The following HDAC2 variants were observed in gnomAD, a reference collection of about 807,000 sequenced individuals.
HDAC2 encodes YY1-associated factor 1.
A neutral mutation model predicts 68.5 loss-of-function variants in HDAC2; 5 were observed. The ratio of observed to expected loss-of-function variants is 0.07; its 90% CI spans 0.04 to 0.15. The LOEUF (loss-of-function observed/expected upper bound fraction) is 0.15, where lower values mean the gene tolerates loss of function less well. Among genes scored for constraint, HDAC2 ranks in the 10% least tolerant of loss-of-function variants. HDAC2 has a pLI of 1.00. For missense variants in HDAC2, 291 were observed against 600.8 expected (o/e 0.48, Z 5.39); for synonymous variants, 182 against 191.3 (o/e 0.95, Z 0.40).
At position 113,946,035 on chromosome 6, in the gene HDAC2, C is replaced by T; in HGVS notation, c.955G>A (p.Val319Ile). The T allele has an allele frequency of 6.2e-7, 1 of 1,613,022 alleles. No individual in the cohort carries two copies. Among genetic ancestry groups the T allele is most frequent in the Non-Finnish European group, 8.5e-7 (1 of 1,179,056 alleles). Reference sequence around the variant, plus strand: ...TTGGGAATCTCACAATCAAGGGCAACTGCAGTCTCATATGTCCAACATCGA... The same window carrying T: ...TTGGGAATCTCACAATCAAGGGCAATTGCAGTCTCATATGTCCAACATCGA... ...VARCWTYETA[V>I]ALDCEIPNEL... Residue 319 changes from valine to isoleucine, a missense_variant, in exon 9 of 14, where the codon GTT becomes ATT. Val to Ile is a conservative substitution (Grantham distance 29). This residue lies in a region of HDAC2 where 154 missense variants were observed against 472.1 expected (regional missense o/e 0.33). Transcript: ENST00000519065.
chr6:113,953,171 C>T, intron 6 of HDAC2, 106 bp downstream of exon 6: 2 of 791,630 alleles, frequency 2.5e-6, no homozygotes, highest in Non-Finnish European at 4.0e-6. Flanking sequence ...ATTCTGCATA[C>T]AAGTTTCAAA....
chr6:113,945,987 T>C (rs138267607), intron 9 of HDAC2, 21 bp downstream of exon 9: 549 of 1,590,782 alleles, frequency 3.5e-4, no homozygotes, highest in Non-Finnish European at 4.5e-4. Flanking sequence ...ACAATAAAGA[T>C]ATTGTAATGA....
At position 113,938,641 on chromosome 6, in the gene HDAC2, T is replaced by C. The variant is rs909539585; in HGVS notation, c.*2417A>G. The C allele has an allele frequency of 3.3e-5, 5 of 152,228 alleles. No homozygotes were observed. Among genetic ancestry groups the C allele is most frequent in the Admixed American group, 3.3e-4 (5 of 15,284 alleles). The allele number at this position is 152,228 out of a possible 1,614,324, so 9.4% of individuals were successfully genotyped here. On this transcript the variant is annotated 3_prime_UTR_variant, in exon 14 of 14. Transcript: ENST00000519065. ...AATGTCTTTCCTTGCCAATTTCAAA[T>C]ATCATTTTTATCCTATATGAATTTT...
chr6:113,948,380 A>T lies in HDAC2; in HGVS notation c.841+599T>A, dbSNP rs922293655. ...GAACAGATGAGAAGGCTGTTTTTCA[A>T]GAAGGTGAAAGTGACAGAATATTCA... On this transcript the variant is annotated intron_variant, in intron 8 of 13. Coordinates refer to ENST00000519065, the MANE Select transcript of HDAC2 (RefSeq NM_001527.4). 3 of 152,294 alleles carry T rather than the reference A, an allele frequency of 2.0e-5. No homozygotes were observed. In the East Asian group the frequency reaches 5.8e-4, roughly 29 times the overall value. 9.4% of individuals were successfully genotyped at this position (152,294 alleles called of 1,614,324 possible). A position where few individuals can be genotyped will look rare whatever the true frequency, so the allele number is the denominator to read the frequency against.
chr6:113,952,791 C>CTA (rs1378030658), intron 6 of HDAC2, among the ~76,000 whole-genome samples: 1 of 151,988 alleles, frequency 6.6e-6, no homozygotes, highest in Non-Finnish European at 1.5e-5. Context: ...CAAGGTTACA[C>CTA]TATGGTATCC....
In HDAC2 at chr6:113,943,524, A is replaced by G. The variant is rs1190028479; in HGVS notation, c.1223-18T>C. On this transcript the variant is annotated intron_variant, in intron 11 of 13. Coordinates refer to ENST00000519065, the MANE Select transcript of HDAC2 (RefSeq NM_001527.4). ...TGCTCGAACTGCACAGAATATTTTAATAAATTTTGACAAAAACAGTCACAG... is the reference window on the plus strand; with the variant it reads ...TGCTCGAACTGCACAGAATATTTTAGTAAATTTTGACAAAAACAGTCACAG... 5.1e-6 allele frequency: 8 copies of G among 1,570,428 alleles called. No homozygotes were observed. Among genetic ancestry groups the G allele is most frequent in the African/African-American group, 1.4e-5 (1 of 72,738 alleles).
intron 2 of HDAC2, chr6:113,959,596 TAAAAA>T (rs771822379): frequency 4.9e-5 from 6 of 122,264 alleles, no homozygotes; most frequent in African/African-American, 6.1e-5. Context: ...ACAATTATTG[TAAAAA>T]AAAAAAAAAA....
In HDAC2 at chr6:113,934,476, C is replaced by G. The variant is rs1210740701; in HGVS notation, c.*6582G>C. The G allele has an allele frequency of 6.6e-6, 1 of 152,192 alleles. No homozygotes were observed. Among genetic ancestry groups the G allele is most frequent in the African/African-American group, 2.4e-5 (1 of 41,432 alleles). The allele number at this position is 152,192 out of a possible 1,614,324, so 9.4% of individuals were successfully genotyped here. ...GCATTGTTCTTTACTTGTTGCTGCT[C>G]TAGATGATGATGGTGTTTTGAGGTC... On this transcript the variant is annotated 3_prime_UTR_variant, in exon 14 of 14. Transcript: ENST00000519065.
chr6:113,966,733 G>C (rs1375847399), intron 1 of HDAC2, among the ~76,000 whole-genome samples: 1 of 152,018 alleles, frequency 6.6e-6, no homozygotes, highest in African/African-American at 2.4e-5. Flanking sequence ...ACAACCAAAA[G>C]GAAGAAAAAT....
intron 10 of HDAC2, among the ~76,000 whole-genome samples, chr6:113,944,713 C>A (rs1259803957): frequency 1.3e-5 from 2 of 152,134 alleles, no homozygotes; most frequent in African/African-American, 4.8e-5. Flanking sequence ...AGGCTGGTCA[C>A]AAACTACTGG....
In HDAC2 at chr6:113,944,554, G is replaced by C. The variant is rs1228796592; in HGVS notation, c.1092-144C>G. 3.8e-5 allele frequency: 25 copies of C among 661,344 alleles called. No homozygotes were observed. The Admixed American group carries it at 6.8e-4, about 18-fold the overall frequency. The allele number at this position is 661,344 out of a possible 1,614,324, so 41.0% of individuals were successfully genotyped here. ...AGGTCTCTCTTTGTTGCCCAGACTA[G>C]AGTGCAGTGGCAAGATCATAGCTCA... On this transcript the variant is annotated intron_variant, in intron 10 of 13. Transcript: ENST00000519065.
rs753067563 is a variant in HDAC2 at position 113,948,952 on chromosome 6, G to A, written c.841+27C>T. 7 of 1,597,822 alleles carry A rather than the reference G, an allele frequency of 4.4e-6. No homozygotes were observed. The African/African-American group carries it at 8.1e-5, about 19-fold the overall frequency. ...GGTGGAAGAAAAACCATTTTTTTCT[G>A]GAAATACCACCCTTTGAATTGCTTA... On this transcript the variant is annotated intron_variant, in intron 8 of 13. Coordinates refer to ENST00000519065, the MANE Select transcript of HDAC2 (RefSeq NM_001527.4).
At chr6:113,956,499 A>G (rs1582489833) in intron 4 of HDAC2, 120 bp downstream of exon 4, 1 of 721,010 alleles carries the variant, frequency 1.4e-6, no homozygotes, top group East Asian at 2.6e-5. Flanking sequence ...CTATAAACAT[A>G]CTGATTTCCT....
In HDAC2 at chr6:113,971,041, G is replaced by C. The variant is rs769886571; in HGVS notation, c.-133C>G. The C allele has an allele frequency of 1.3e-6, 2 of 1,571,112 alleles. No homozygotes were observed. Among genetic ancestry groups the C allele is most frequent in the Admixed American group, 3.8e-5 (2 of 53,192 alleles). On this transcript the variant is annotated 5_prime_UTR_variant, in exon 1 of 14. Transcript: ENST00000519065. ...GGCGATAGTCCCGCGGGGAAGGGCA[G>C]GCCGGTGGGAGGAGAGGAGGGGGCG...
chr6:113,943,274 G>T, intron 12 of HDAC2, 77 bp downstream of exon 12: 1 of 1,179,766 alleles, frequency 8.5e-7, no homozygotes, highest in Non-Finnish European at 1.2e-6. Flanking sequence ...CTGACTTCTC[G>T]ATAGCATAAA....
chr6:113,951,190 T>C (rs147998006), intron 6 of HDAC2, among the ~76,000 whole-genome samples: 90 of 152,354 alleles, frequency 5.9e-4, no homozygotes, highest in African/African-American at 2.2e-3. Flanking sequence ...ACTGCTACTA[T>C]GCCACCTTTC....
Position 113,934,661 on chromosome 6 carries a change from G to C in HDAC2, c.*6397C>G, listed in dbSNP as rs998627882. On this transcript the variant is annotated 3_prime_UTR_variant, in exon 14 of 14. Transcript: ENST00000519065. ...ATTTTCTGCCTAACTCTAGAAATAG[G>C]ATGGCAGAAGAGTCATTACATTAAG... 4 of 152,158 alleles carry C rather than the reference G, an allele frequency of 2.6e-5. No individual in the cohort carries two copies. Among genetic ancestry groups the C allele is most frequent in the African/African-American group, 7.2e-5 (3 of 41,432 alleles). 9.4% of individuals were successfully genotyped at this position (152,158 alleles called of 1,614,324 possible). A position where few individuals can be genotyped will look rare whatever the true frequency, so the allele number is the denominator to read the frequency against.
intron 6 of HDAC2, among the ~76,000 whole-genome samples, chr6:113,950,700 T>TGGGGGGGG (rs34412922): frequency 1.6e-5 from 1 of 62,428 alleles, no homozygotes; most frequent in Non-Finnish European, 3.6e-5. Flanking sequence ...CTGAGTGGGG[T>TGGGGGGGG]GGGGGGGGGG....
In HDAC2 at chr6:113,944,297, G is replaced by A. The variant is rs1776217032; in HGVS notation, c.1205C>T (p.Pro402Leu). Reference protein sequence around the residue: ...EDSGDEDGEDPDKRISIRASD... With the variant: ...EDSGDEDGEDLDKRISIRASD... ...TATCTTACTAGAAATTCTCTTGTCT[G>A]GATCTTCTCCATCTTCATCTCCACT... is the stretch of plus-strand genomic sequence containing the variant. The change falls in exon 11 of 14, where the codon CCA becomes CTA. Residue 402 changes from proline to leucine, a missense_variant. Physicochemically the swap from Pro to Leu is moderately conservative, Grantham distance 98. Around this residue, in one of 2 missense-constraint regions of HDAC2, gnomAD observed 137 missense variants for 128.7 expected, o/e 1.06. Coordinates refer to ENST00000519065, the MANE Select transcript of HDAC2 (RefSeq NM_001527.4). The A allele has an allele frequency of 6.2e-7, 1 of 1,611,646 alleles. No homozygotes were observed. Among genetic ancestry groups the A allele is most frequent in the Non-Finnish European group, 8.5e-7 (1 of 1,178,052 alleles).
Sources: gnomAD v4.1 joint callset for allele counts (sites outside exome capture counted in the v4.1 genomes callset) on GRCh38, gnomAD v4.1.1 for gene constraint, gnomAD v4.1.1 regional missense constraint, MANE v1.5 for transcripts, NCBI Gene and HGNC (gene_info 2026-07-23, HGNC 2026-07-21) for gene names.